The following HCN1 variants were observed in gnomAD, a reference collection of about 807,000 sequenced individuals.
HCN1 encodes the protein hyperpolarization activated cyclic nucleotide gated potassium channel 1, also known as potassium/sodium hyperpolarization-activated cyclic nucleotide-gated channel 1.
Under a neutral mutation model 78.9 loss-of-function variants are expected in HCN1, and 13 were observed. The observed-to-expected ratio is 0.16, with a 90% CI of 0.11 to 0.26. The LOEUF (loss-of-function observed/expected upper bound fraction) is 0.26, where lower values mean the gene tolerates loss of function less well. Among genes scored for constraint, HCN1 ranks in the 10% least tolerant of loss-of-function variants. HCN1 has a pLI of 1.00. For missense variants in HCN1, 810 were observed against 1,154.3 expected, an observed-to-expected ratio of 0.70 and a Z score of 4.32; for synonymous variants, 552 against 455.5, an observed-to-expected ratio of 1.21 and a Z score of -2.70.
intron 6 of HCN1, among the ~76,000 whole-genome samples, chr5:45,301,779 C>T (rs1376594710): frequency 6.8e-6 from 1 of 147,590 alleles, no homozygotes; most frequent in Non-Finnish European, 1.5e-5. Flanking sequence ...GTGTGTAAAA[C>T]CCGCTTACAG....
At chr5:45,694,473 C>CTTA (rs1561247876) in intron 1 of HCN1, among the ~76,000 whole-genome samples, 1 of 152,022 alleles carries the variant, frequency 6.6e-6, no homozygotes, top group Non-Finnish European at 1.5e-5. Context: ...GGACAGCTCC[C>CTTA]GTTAAGGCAT....
At position 45,396,326 on chromosome 5, in the gene HCN1, C is replaced by T. The variant is rs77539567; in HGVS notation, c.1230+166G>A. ...GAGAAGCAAAAGATATGAGAACTAT[C>T]TTGAAGAAACCTCAAAATATCAAAG... On this transcript the variant is annotated intron_variant, in intron 4 of 7. Transcript: ENST00000303230. Among the ~76,000 whole-genome samples the T allele has an allele frequency of 3.0e-3, 453 of 151,648 alleles. 11 individuals carry two copies. The East Asian group carries it at 0.074, about 25-fold the overall frequency.
At chr5:45,396,858 C>G in intron 3 of HCN1, 148 bp from the exon 4 acceptor site, 1 of 705,830 alleles carries the variant, frequency 1.4e-6, no homozygotes, top group Non-Finnish European at 2.6e-6. Context: ...TTCTCACTAA[C>G]TGTGAATTAA....
intron 2 of HCN1, among the ~76,000 whole-genome samples, chr5:45,503,030 G>A (rs1291218201): frequency 6.6e-6 from 1 of 152,064 alleles, no homozygotes; most frequent in Non-Finnish European, 1.5e-5. Flanking sequence ...ATAAATTAAT[G>A]GGAAGACTCA....
At chr5:45,628,404 A>C (rs1580006625) in intron 2 of HCN1, among the ~76,000 whole-genome samples, 1 of 152,160 alleles carries the variant, frequency 6.6e-6, no homozygotes, top group Admixed American at 6.6e-5. Context: ...GCTCTCAAAA[A>C]ATCACCTACT....
intron 3 of HCN1, among the ~76,000 whole-genome samples, chr5:45,404,260 G>T (rs986243233): frequency 1.3e-5 from 2 of 152,038 alleles, no homozygotes; most frequent in East Asian, 3.9e-4. Context: ...TATTATATGC[G>T]AATGGGAGAC....
intron 1 of HCN1, among the ~76,000 whole-genome samples, chr5:45,692,076 G>A (rs1739925136): frequency 6.6e-6 from 1 of 152,196 alleles, no homozygotes; most frequent in African/African-American, 2.4e-5. Flanking sequence ...AAGTCCCTTT[G>A]TGTAAGCATG....
chr5:45,376,284 T>G (rs374055738), intron 4 of HCN1, among the ~76,000 whole-genome samples: 138 of 24,654 alleles, frequency 5.6e-3, no homozygotes, highest in Non-Finnish European at 8.2e-3. Context: ...ATAGAATATA[T>G]AGATATATAT....
At chr5:45,303,344 T>C (rs1745664956) in intron 6 of HCN1, among the ~76,000 whole-genome samples, 1 of 152,148 alleles carries the variant, frequency 6.6e-6, no homozygotes, top group African/African-American at 2.4e-5. Context: ...ATACTTTCCA[T>C]TTGACTTAAG....
At chr5:45,325,624 T>C (rs755733444) in intron 5 of HCN1, among the ~76,000 whole-genome samples, 7 of 151,742 alleles carry the variant, frequency 4.6e-5, no homozygotes, top group Non-Finnish European at 8.9e-5. Flanking sequence ...AATGGACTTA[T>C]ATTAATCTGG....
chr5:45,632,437 T>C (rs914426683), intron 2 of HCN1, among the ~76,000 whole-genome samples: 1 of 151,994 alleles, frequency 6.6e-6, no homozygotes, highest in South Asian at 2.1e-4. Flanking sequence ...GAGGAAAAAA[T>C]TCTGCTTCCA....
chr5:45,526,355 T>A (rs1282024113), intron 2 of HCN1, among the ~76,000 whole-genome samples: 1 of 152,068 alleles, frequency 6.6e-6, no homozygotes. Context: ...CTAAACTCCC[T>A]GGGAGACAAC....
At chr5:45,523,808 G>A (rs1742668085) in intron 2 of HCN1, among the ~76,000 whole-genome samples, 2 of 152,028 alleles carry the variant, frequency 1.3e-5, no homozygotes, top group Admixed American at 1.3e-4. Context: ...CATTTTGTAG[G>A]TTGCCTGTTC....
chr5:45,385,602 G>A (rs1747894117), intron 4 of HCN1, among the ~76,000 whole-genome samples: 2 of 148,208 alleles, frequency 1.3e-5, no homozygotes, highest in Admixed American at 1.3e-4. Flanking sequence ...CTATTGTAAA[G>A]TTTCTTGATA....
chr5:45,584,513 C>G (rs1579983473), intron 2 of HCN1, among the ~76,000 whole-genome samples: 1 of 151,412 alleles, frequency 6.6e-6, no homozygotes, highest in African/African-American at 2.4e-5. Flanking sequence ...TTAATTGGAG[C>G]GTTTAGCCCA....
chr5:45,616,386 T>G (rs1744954879), intron 2 of HCN1, among the ~76,000 whole-genome samples: 1 of 151,904 alleles, frequency 6.6e-6, no homozygotes, highest in Non-Finnish European at 1.5e-5. Flanking sequence ...CCTAAAATAG[T>G]AAAAAATTAA....
chr5:45,356,085 T>C (rs1389839092), intron 4 of HCN1, among the ~76,000 whole-genome samples: 5 of 152,024 alleles, frequency 3.3e-5, no homozygotes, highest in African/African-American at 9.7e-5. Context: ...TTAGTAGTGG[T>C]AGTCAGACCG....
rs866211335 is a variant in HCN1, at chr5:45,372,836, G to A, written c.1231-19590C>T. On this transcript the variant is annotated intron_variant, in intron 4 of 7. Coordinates refer to ENST00000303230, the MANE Select transcript of HCN1 (RefSeq NM_021072.4). ...CAAATATATGTACGTATTCTATACA[G>A]AAAAATATGTTCGTATTCTATACAC... is the stretch of plus-strand genomic sequence containing the variant. Among the ~76,000 whole-genome samples the A allele has an allele frequency of 5.1e-5, 7 of 138,582 alleles. No homozygotes were observed. In the East Asian group the frequency reaches 1.3e-3, roughly 25 times the overall value. 90.9% of individuals were successfully genotyped at this position (138,582 alleles called of 152,430 possible). A position where few individuals can be genotyped will look rare whatever the true frequency, so the allele number is the denominator to read the frequency against.
chr5:45,314,827 A>T (rs1412200434), intron 5 of HCN1, among the ~76,000 whole-genome samples: 1 of 152,222 alleles, frequency 6.6e-6, no homozygotes, highest in East Asian at 1.9e-4. Flanking sequence ...AGGCCATTAC[A>T]TAATGGTAAA....
Sources: gnomAD v4.1 joint callset for allele counts (sites outside exome capture counted in the v4.1 genomes callset) on GRCh38, gnomAD v4.1.1 for gene constraint, MANE v1.5 for transcripts, NCBI Gene and HGNC (gene_info 2026-07-23, HGNC 2026-07-21) for gene names.